Variants in CNTLN observed in about 807,000 individuals in gnomAD.
The protein encoded by CNTLN is centlein, centrosomal protein.
In CNTLN, 212 loss-of-function variants were observed where a neutral mutation model predicts 180.0. The observed-to-expected ratio is 1.18, with a 90% CI of 1.05 to 1.32. CNTLN has a LOEUF of 1.32. Among genes scored for constraint, CNTLN ranks in the 40% most tolerant of loss-of-function variants. CNTLN has a pLI of 0.00. For missense variants in CNTLN, 2,095 were observed against 1,610.9 expected, an observed-to-expected ratio of 1.30 and a Z score of -5.14; for synonymous variants, 722 against 563.1, an observed-to-expected ratio of 1.28 and a Z score of -3.99.
chr9:17,184,305 G>C (rs552441610), intron 2 of CNTLN, among the ~76,000 whole-genome samples: 10 of 142,364 alleles, frequency 7.0e-5, no homozygotes, highest in Middle Eastern at 3.6e-3. Context: ...ACGTAAACAT[G>C]AATATTTGTT....
At chr9:17,451,837 T>C (rs1390111310) in intron 18 of CNTLN, among the ~76,000 whole-genome samples, 2 of 152,232 alleles carry the variant, frequency 1.3e-5, no homozygotes, top group African/African-American at 2.4e-5. Flanking sequence ...GGTTCATTAC[T>C]TTAAATTTTT....
At chr9:17,158,714 C>T (rs1030971104) in intron 2 of CNTLN, among the ~76,000 whole-genome samples, 2 of 146,264 alleles carry the variant, frequency 1.4e-5, no homozygotes, top group East Asian at 3.9e-4. Context: ...TTGGTAATAT[C>T]CCCCCCTTTT....
intron 5 of CNTLN, among the ~76,000 whole-genome samples, chr9:17,246,635 G>A (rs145388405): frequency 3.3e-5 from 5 of 152,208 alleles, no homozygotes; most frequent in Non-Finnish European, 5.9e-5. Flanking sequence ...CCTTCAGTAC[G>A]GCAAGTTTGC....
At chr9:17,174,075 A>G (rs1227634527) in intron 2 of CNTLN, among the ~76,000 whole-genome samples, 1 of 152,212 alleles carries the variant, frequency 6.6e-6, no homozygotes, top group Non-Finnish European at 1.5e-5. Flanking sequence ...AAAATGTTGT[A>G]TAAATGGAAT....
chr9:17,489,280 G>A (rs1833032845), intron 25 of CNTLN, among the ~76,000 whole-genome samples: 1 of 151,926 alleles, frequency 6.6e-6, no homozygotes, highest in Non-Finnish European at 1.5e-5. Flanking sequence ...GTGTAAATAT[G>A]TTCATTCATA....
chr9:17,264,890 T>C (rs965210434), intron 5 of CNTLN, among the ~76,000 whole-genome samples: 111 of 151,104 alleles, frequency 7.3e-4, no homozygotes, highest in African/African-American at 2.4e-3. Context: ...ACATTGATTT[T>C]GTATCCTGAG....
At chr9:17,512,936 C>G in the CNTLN span, among the ~76,000 whole-genome samples, 1 of 152,276 alleles carries the variant, frequency 6.6e-6, no homozygotes, top group Middle Eastern at 3.4e-3. Context: ...CCTGCCTCAG[C>G]GTCCCGAGTA....
chr9:17,289,590 A>G (rs1305006428), intron 6 of CNTLN, among the ~76,000 whole-genome samples: 1 of 132,624 alleles, frequency 7.5e-6, no homozygotes, highest in Non-Finnish European at 1.6e-5. Context: ...CCTGGATAAT[A>G]TCCTGCAGAG....
At chr9:17,343,247 A>G (rs1223015264) in intron 12 of CNTLN, among the ~76,000 whole-genome samples, 1 of 152,246 alleles carries the variant, frequency 6.6e-6, no homozygotes, top group Non-Finnish European at 1.5e-5. Context: ...TTAGACCAAT[A>G]TAATTAACCT....
Position 17,143,386 on chromosome 9 carries a change from C to A in CNTLN, c.449+10C>A. 1 of 1,605,720 alleles carries A rather than the reference C, an allele frequency of 6.2e-7. No individual in the cohort carries two copies. Among genetic ancestry groups the A allele is most frequent in the South Asian group, 1.1e-5 (1 of 90,418 alleles). ...GTTTGGTTGTGGAAAGGTGAGCTCT[C>A]AAATTATTTTTTCATGAGTATTTGG... On this transcript the variant is annotated intron_variant, in intron 2 of 25. Transcript: ENST00000380647.
chr9:17,263,559 G>C (rs904989400), intron 5 of CNTLN, among the ~76,000 whole-genome samples: 3 of 151,528 alleles, frequency 2.0e-5, no homozygotes, highest in Non-Finnish European at 4.4e-5. Context: ...TGTATACCCA[G>C]TAATGGGATG....
intron 25 of CNTLN, among the ~76,000 whole-genome samples, chr9:17,493,494 G>T (rs1426575744): frequency 6.6e-6 from 1 of 152,058 alleles, no homozygotes; most frequent in Non-Finnish European, 1.5e-5. Context: ...TCAGTAAATT[G>T]TGCCCTAAAA....
At chr9:17,245,837 T>G (rs1266770529) in intron 5 of CNTLN, among the ~76,000 whole-genome samples, 3 of 152,014 alleles carry the variant, frequency 2.0e-5, no homozygotes, top group Non-Finnish European at 4.4e-5. Context: ...ACTGATGCAT[T>G]CTTTAATATG....
intron 13 of CNTLN, among the ~76,000 whole-genome samples, chr9:17,384,123 C>T (rs1325374255): frequency 1.3e-5 from 2 of 152,046 alleles, no homozygotes; most frequent in African/African-American, 4.8e-5. Flanking sequence ...GAGGGTGTTA[C>T]ACATGGCTTT....
chr9:17,490,273 C>A (rs1289894826), intron 25 of CNTLN, among the ~76,000 whole-genome samples: 2 of 151,914 alleles, frequency 1.3e-5, no homozygotes, highest in Non-Finnish European at 2.9e-5. Flanking sequence ...GTGGCCTGGC[C>A]ATGGTATTAG....
intron 8 of CNTLN, among the ~76,000 whole-genome samples, chr9:17,312,379 T>TA (rs1563984996): frequency 5.4e-4 from 56 of 103,480 alleles, no homozygotes; most frequent in African/African-American, 1.9e-3. Flanking sequence ...TATATATATA[T>TA]ATATAATTTA....
chr9:17,473,592 CAA>C (rs1208961626), intron 23 of CNTLN, among the ~76,000 whole-genome samples: 20 of 132,762 alleles, frequency 1.5e-4, no homozygotes, highest in African/African-American at 5.8e-4. Flanking sequence ...CACCATTTAC[CAA>C]AAAAAAAAAA....
downstream of CNTLN, among the ~76,000 whole-genome samples, chr9:17,506,976 A>T (rs1225938207): frequency 6.6e-6 from 1 of 152,140 alleles, no homozygotes; most frequent in African/African-American, 2.4e-5. Context: ...TATTTGTCTT[A>T]AGAACATTCA....
intron 18 of CNTLN, among the ~76,000 whole-genome samples, chr9:17,431,944 G>A (rs1242794225): frequency 6.6e-6 from 1 of 152,124 alleles, no homozygotes; most frequent in East Asian, 1.9e-4. Flanking sequence ...CATGCTTAGG[G>A]ATACTGATAA....
Sources: allele counts gnomAD v4.1 joint callset (sites outside exome capture counted in the v4.1 genomes callset), GRCh38; gene constraint gnomAD v4.1.1; transcripts MANE v1.5; gene names NCBI Gene and HGNC (gene_info 2026-07-23, HGNC 2026-07-21).